Variants in SESTD1 observed in about 807,000 individuals in gnomAD.
SESTD1 encodes SEC14 and spectrin domain containing 1, also known as SEC14 domain and spectrin repeat-containing protein 1.
A neutral mutation model predicts 101.7 loss-of-function variants in SESTD1; 43 were observed. That is an observed-to-expected ratio of 0.42 (90% confidence interval 0.33 to 0.55). SESTD1 has a LOEUF of 0.55. SESTD1 is among the 20% of genes least tolerant of loss of function. The probability of loss-of-function intolerance (pLI) is 0.07; values close to 1 mark genes in which losing one functional copy is unlikely to be tolerated. For missense variants in SESTD1, 647 were observed against 815.1 expected (o/e 0.79, Z 2.51); for synonymous variants, 283 against 286.8 (o/e 0.99, Z 0.13).
In SESTD1 at chr2:179,123,792, C is replaced by T. The variant is rs1236406740; in HGVS notation, c.1205G>A (p.Cys402Tyr). Residue 402 changes from cysteine to tyrosine, a missense_variant, in exon 12 of 18, where the codon TGC becomes TAC. Coordinates refer to ENST00000428443, the MANE Select transcript of SESTD1 (RefSeq NM_178123.5). ...QQLDGLLGML[C>Y]VDVAPADGAS... Reference sequence around the variant, plus strand: ...TCCATCAGCTGGTGCTACATCTACGCACAACATCCCTAATAAGCCATCCAA... The same window carrying T: ...TCCATCAGCTGGTGCTACATCTACGTACAACATCCCTAATAAGCCATCCAA... The T allele has an allele frequency of 2.5e-6, 4 of 1,613,966 alleles. No individual in the cohort carries two copies. Among genetic ancestry groups the T allele is most frequent in the South Asian group, 1.1e-5 (1 of 91,070 alleles).
chr2:179,123,865 G>A lies in SESTD1; in HGVS notation c.1168-36C>T, dbSNP rs144021596. 531 of 1,451,826 alleles carry A rather than the reference G, an allele frequency of 3.7e-4. 1 individual carries two copies. In the African/African-American group the frequency reaches 6.6e-3, roughly 18 times the overall value. The allele number at this position is 1,451,826 out of a possible 1,614,324, so 89.9% of individuals were successfully genotyped here. A position where few individuals can be genotyped will look rare whatever the true frequency, so the allele number is the denominator to read the frequency against. Reference sequence around the variant, plus strand: ...GGGACACCAAAGAGATAACCCTGATGTAATCAGCATCTAAAGTGTTTAATG... The same window carrying A: ...GGGACACCAAAGAGATAACCCTGATATAATCAGCATCTAAAGTGTTTAATG... On this transcript the variant is annotated intron_variant, in intron 11 of 17. Coordinates refer to ENST00000428443, the MANE Select transcript of SESTD1 (RefSeq NM_178123.5).
intron 9 of SESTD1, among the ~76,000 whole-genome samples, chr2:179,141,147 A>G (rs1438901058): frequency 2.0e-5 from 3 of 152,164 alleles, no homozygotes; most frequent in Non-Finnish European, 4.4e-5. Flanking sequence ...ACCCTTCTAC[A>G]TATTCTCTTA....
chr2:179,215,598 C>T (rs1423992481), intron 1 of SESTD1, among the ~76,000 whole-genome samples: 1 of 134,438 alleles, frequency 7.4e-6, no homozygotes, highest in Non-Finnish European at 1.6e-5. Context: ...TCAAACCAGT[C>T]CAATCAATAG....
chr2:179,224,603 AG>A (rs2046857993), intron 1 of SESTD1, among the ~76,000 whole-genome samples: 1 of 152,170 alleles, frequency 6.6e-6, no homozygotes, highest in African/African-American at 2.4e-5. Flanking sequence ...CTGTGAATAA[AG>A]AGTTGGAACT....
chr2:179,196,132 T>C lies in SESTD1; in HGVS notation c.-25-4266A>G, dbSNP rs189707161. On this transcript the variant is annotated intron_variant, in intron 1 of 17. Coordinates refer to ENST00000428443, the MANE Select transcript of SESTD1 (RefSeq NM_178123.5). Reference sequence around the variant, plus strand: ...TGCAAAACGAAGCAGGGCGAGGCATTGCCTCACGCAGGAAGCGCAAGGGGT... The same window carrying C: ...TGCAAAACGAAGCAGGGCGAGGCATCGCCTCACGCAGGAAGCGCAAGGGGT... Among the ~76,000 whole-genome samples the C allele has an allele frequency of 4.7e-3, 709 of 152,320 alleles. 7 individuals are homozygous for C. Among genetic ancestry groups the C allele is most frequent in the African/African-American group, 0.016 (657 of 41,572 alleles).
intron 1 of SESTD1, among the ~76,000 whole-genome samples, chr2:179,235,168 T>C (rs554033711): frequency 6.6e-6 from 1 of 152,304 alleles, no homozygotes; most frequent in South Asian, 2.1e-4. Flanking sequence ...GTTAACTTCC[T>C]GATACTGACG....
At chr2:179,218,219 T>C (rs1159111963) in intron 1 of SESTD1, among the ~76,000 whole-genome samples, 2 of 152,156 alleles carry the variant, frequency 1.3e-5, no homozygotes, top group African/African-American at 2.4e-5. Context: ...GAGTGGATTA[T>C]ACTCTCAAAC....
In SESTD1 at chr2:179,114,021, G is replaced by A. The variant is rs185601496; in HGVS notation, c.1839+1044C>T. ...CTGTTTTTTTTGAACAGTACACTGAGTACACAGGTGTGTTCACTTTATGAA... is the reference window on the plus strand; with the variant it reads ...CTGTTTTTTTTGAACAGTACACTGAATACACAGGTGTGTTCACTTTATGAA... On this transcript the variant is annotated intron_variant, in intron 16 of 17. Coordinates refer to ENST00000428443, the MANE Select transcript of SESTD1 (RefSeq NM_178123.5). 7.1e-3 allele frequency among the ~76,000 whole-genome samples: 1,085 copies of A among 152,270 alleles called. 4 individuals carry two copies. The highest frequency in any genetic ancestry group is 0.011 in the Non-Finnish European group (770 of 68,026).
rs1167733726 is a variant in SESTD1, at chr2:179,107,810, C to T, written c.*2089G>A. On this transcript the variant is annotated 3_prime_UTR_variant, in exon 18 of 18. Transcript: ENST00000428443. ...CTCAAAAGAGCTTACTGGGTACAGA[C>T]ATAAACAACTGTAGAATGTGATAGC... 6.6e-6 allele frequency: 1 copy of T among 152,036 alleles called. No individual in the cohort carries two copies. Among genetic ancestry groups the T allele is most frequent in the Non-Finnish European group, 1.5e-5 (1 of 67,988 alleles). 9.4% of individuals were successfully genotyped at this position (152,036 alleles called of 1,614,324 possible).
Position 179,259,325 on chromosome 2 carries a change from G to A in SESTD1, c.-26+5174C>T, listed in dbSNP as rs1301315689. Among the ~76,000 whole-genome samples the A allele has an allele frequency of 3.3e-5, 5 of 151,988 alleles. 1 individual carries two copies. The highest frequency in any genetic ancestry group is 6.6e-5 in the Admixed American group (1 of 15,260). On this transcript the variant is annotated intron_variant, in intron 1 of 17. Transcript: ENST00000428443. ...CGGCTCACTGCAACCTCCACCTCCC[G>A]GGTTCAAGCAATTCTCTGCCTCAGC... is the stretch of plus-strand genomic sequence containing the variant.
intron 11 of SESTD1, 136 bp downstream of exon 11, chr2:179,124,228 C>A: frequency 1.3e-6 from 1 of 783,640 alleles, no homozygotes; most frequent in South Asian, 2.3e-5. Context: ...AGAATTTTAT[C>A]TCATTACCCC....
At position 179,109,602 on chromosome 2, in the gene SESTD1, C is replaced by T. The variant is rs1575415976; in HGVS notation, c.*297G>A. 1 of 437,500 alleles carries T rather than the reference C, an allele frequency of 2.3e-6. No individual in the cohort carries two copies. The highest frequency in any genetic ancestry group is 3.2e-5 in the East Asian group (1 of 30,770). 27.1% of individuals were successfully genotyped at this position (437,500 alleles called of 1,614,324 possible). A position where few individuals can be genotyped will look rare whatever the true frequency, so the allele number is the denominator to read the frequency against. On this transcript the variant is annotated 3_prime_UTR_variant, in exon 18 of 18. Coordinates refer to ENST00000428443, the MANE Select transcript of SESTD1 (RefSeq NM_178123.5). ...CTACTCTTATTAGCACCATTCAAAG[C>T]TTATTATCAGTTGTTTGTCTACAAA... is the stretch of plus-strand genomic sequence containing the variant.
chr2:179,215,189 A>G lies in SESTD1; in HGVS notation c.-25-23323T>C, dbSNP rs562303396. 1.6e-4 allele frequency among the ~76,000 whole-genome samples: 22 copies of G among 135,256 alleles called. 6 individuals are homozygous for G. Among genetic ancestry groups the G allele is most frequent in the African/African-American group, 6.4e-4 (22 of 34,286 alleles). The allele number at this position is 135,256 out of a possible 152,430, so 88.7% of individuals were successfully genotyped here. A position where few individuals can be genotyped will look rare whatever the true frequency, so the allele number is the denominator to read the frequency against. ...CACAAAAAAACCTTCAAAAAAATCA[A>G]TGAATGCAGGAGCTGGTTTTTTGAA... On this transcript the variant is annotated intron_variant, in intron 1 of 17. Coordinates refer to ENST00000428443, the MANE Select transcript of SESTD1 (RefSeq NM_178123.5).
intron 10 of SESTD1, among the ~76,000 whole-genome samples, chr2:179,126,436 C>T (rs2044876690): frequency 6.6e-6 from 1 of 152,104 alleles, no homozygotes; most frequent in South Asian, 2.1e-4. Flanking sequence ...TTTGCTGGCT[C>T]TCCTCCCTCT....
Position 179,127,558 on chromosome 2 carries a change from A to T in SESTD1, c.973-3000T>A, listed in dbSNP as rs78032027. Among the ~76,000 whole-genome samples the T allele has an allele frequency of 8.5e-3, 1,300 of 152,328 alleles. 9 individuals carry two copies. The highest frequency in any genetic ancestry group is 0.029 in the African/African-American group (1,212 of 41,562). On this transcript the variant is annotated intron_variant, in intron 10 of 17. Transcript: ENST00000428443. ...AGGGAACATGTGGCAGTGTCTGGAAACATTTTGGGTTATCACAACTGAGGA... is the reference window on the plus strand; with the variant it reads ...AGGGAACATGTGGCAGTGTCTGGAATCATTTTGGGTTATCACAACTGAGGA...
chr2:179,174,818 G>A (rs992319691), intron 4 of SESTD1, among the ~76,000 whole-genome samples: 5 of 152,006 alleles, frequency 3.3e-5, no homozygotes, highest in African/African-American at 1.2e-4. Context: ...GTGTGGTGGC[G>A]CTCGCCTCCA....
At chr2:179,206,540 A>T (rs2046593450) in intron 1 of SESTD1, among the ~76,000 whole-genome samples, 1 of 135,710 alleles carries the variant, frequency 7.4e-6, no homozygotes, top group Non-Finnish European at 1.6e-5. Flanking sequence ...GCCATTCCTG[A>T]CCTCATTTCA....
chr2:179,264,531 C>A lies in SESTD1; in HGVS notation c.-58G>T, dbSNP rs2047531623. On this transcript the variant is annotated 5_prime_UTR_variant, in exon 1 of 18. Transcript: ENST00000428443. ...GCGCTGACGCTAGCGGCCGGCGGCT[C>A]CGGGGCGTTGGGGAAGACAGGGGAA... 6.6e-6 allele frequency: 1 copy of A among 150,872 alleles called. No homozygotes were observed. Among genetic ancestry groups the A allele is most frequent in the African/African-American group, 2.4e-5 (1 of 41,124 alleles). 9.3% of individuals were successfully genotyped at this position (150,872 alleles called of 1,614,324 possible).
At chr2:179,164,760 G>C (rs1321952103) in intron 5 of SESTD1, among the ~76,000 whole-genome samples, 2 of 152,086 alleles carry the variant, frequency 1.3e-5, no homozygotes, top group East Asian at 3.9e-4. Flanking sequence ...AAAGTATCAT[G>C]GGCAAGAAAA....
Sources: allele counts gnomAD v4.1 joint callset (sites outside exome capture counted in the v4.1 genomes callset), GRCh38; gene constraint gnomAD v4.1.1; transcripts MANE v1.5; gene names NCBI Gene and HGNC (gene_info 2026-07-23, HGNC 2026-07-21).